The following HNRNPL variants were observed in gnomAD, a reference collection of about 807,000 sequenced individuals.
The protein encoded by HNRNPL is heterogeneous nuclear ribonucleoprotein L.
HNRNPL carries 12 observed loss-of-function variants against 64.0 expected under a neutral mutation model. That is an observed-to-expected ratio of 0.19 (90% CI 0.12 to 0.30). The LOEUF (loss-of-function observed/expected upper bound fraction) is 0.30. Ranked by LOEUF, HNRNPL falls within the 10% of genes least tolerant of loss-of-function variation. The probability of loss-of-function intolerance (pLI) is 1.00; values close to 1 mark genes in which losing one functional copy is unlikely to be tolerated. For synonymous variants in HNRNPL, 385 were observed against 313.0 expected (o/e 1.23, Z -2.43); for missense variants, 484 against 797.4 (o/e 0.61, Z 4.73).
chr19:38,838,706 C>T (rs1214235254), intron 9 of HNRNPL, 108 bp from the exon 10 acceptor site: 3 of 1,335,220 alleles, frequency 2.2e-6, no homozygotes, highest in African/African-American at 2.9e-5. Context: ...TGGGGCATTG[C>T]TCTACACCTG....
At position 38,836,598 on chromosome 19, in the gene HNRNPL, TAA is replaced by T. The variant is rs35433653; in HGVS notation, c.*122_*123del. On this transcript the variant is annotated 3_prime_UTR_variant, in exon 13 of 13. Transcript: ENST00000221419. ...AGTAAGCCTCTACAAACCTAGCATT[TAA>T]AAAAAAAAAAAAAAAAAAAAAAAAG... 0.082 allele frequency: 11,099 copies of T among 135,766 alleles called. 125 individuals carry two copies. Among genetic ancestry groups the T allele is most frequent in the Middle Eastern group, 0.14 (49 of 352 alleles). The allele number at this position is 135,766 out of a possible 1,614,324, so 8.4% of individuals were successfully genotyped here. A position where few individuals can be genotyped will look rare whatever the true frequency, so the allele number is the denominator to read the frequency against.
chr19:38,847,030 C>T (rs1021547323), intron 2 of HNRNPL, among the ~76,000 whole-genome samples: 4 of 152,026 alleles, frequency 2.6e-5, no homozygotes, highest in East Asian at 1.9e-4. Flanking sequence ...GGTGAGACTG[C>T]ACCACTACAC....
chr19:38,839,524 G>A (rs1568367929), intron 8 of HNRNPL: 2 of 172,860 alleles, frequency 1.2e-5, no homozygotes, highest in Admixed American at 1.1e-4. Context: ...ATTAATGTGA[G>A]AAATTACACA....
At chr19:38,841,827 G>A (rs1452991451) in intron 6 of HNRNPL, 5 of 402,990 alleles carry the variant, frequency 1.2e-5, no homozygotes, top group Non-Finnish European at 2.4e-5. Flanking sequence ...TATCAGAAAA[G>A]TGGAAATAAA....
rs967613621 is a variant in HNRNPL at position 38,836,577 on chromosome 19, A to G, written c.*145T>C. 2 of 522,672 alleles carry G rather than the reference A, an allele frequency of 3.8e-6. No individual in the cohort carries two copies. The highest frequency in any genetic ancestry group is 4.0e-5 in the African/African-American group (2 of 49,608). The allele number at this position is 522,672 out of a possible 1,614,324, so 32.4% of individuals were successfully genotyped here. Reference sequence around the variant, plus strand: ...CCAGCGTTTCCATTAAGGTTAAGTAAGCCTCTACAAACCTAGCATTTAAAA... The same window carrying G: ...CCAGCGTTTCCATTAAGGTTAAGTAGGCCTCTACAAACCTAGCATTTAAAA... On this transcript the variant is annotated 3_prime_UTR_variant, in exon 13 of 13. Transcript: ENST00000221419.
At chr19:38,840,683 G>C in intron 6 of HNRNPL, 124 bp from the exon 7 acceptor site, 1 of 769,476 alleles carries the variant, frequency 1.3e-6, no homozygotes, top group Admixed American at 2.6e-5. Context: ...TTCCTCGAGG[G>C]CTGTGGGGCC....
intron 1 of HNRNPL, 41 bp from the exon 2 acceptor site, chr19:38,847,475 A>G (rs1972337792): frequency 7.9e-7 from 1 of 1,263,462 alleles, no homozygotes. Context: ...TTCTTGCTGT[A>G]CAAGATGACG....
intron 4 of HNRNPL, chr19:38,845,393 C>T: frequency 2.1e-6 from 1 of 470,128 alleles, no homozygotes; most frequent in Non-Finnish European, 3.8e-6. Flanking sequence ...AAGTAAATAA[C>T]AGAAAGAAAA....
intron 6 of HNRNPL, chr19:38,841,369 A>T: frequency 2.9e-6 from 1 of 350,226 alleles, no homozygotes; most frequent in Non-Finnish European, 5.6e-6. Flanking sequence ...CTGAGTTGTT[A>T]ACTTTTAACT....
rs1313525510 is a variant in HNRNPL at position 38,836,471 on chromosome 19, A to C, written c.*251T>G. On this transcript the variant is annotated 3_prime_UTR_variant, in exon 13 of 13. Transcript: ENST00000221419. ...CAAATGTATGAACAGGAAAAAAAAAAATCACATGTACAATAATTTTTTAAA... is the reference window on the plus strand; with the variant it reads ...CAAATGTATGAACAGGAAAAAAAAACATCACATGTACAATAATTTTTTAAA... 1 of 373,596 alleles carries C rather than the reference A, an allele frequency of 2.7e-6. No individual in the cohort carries two copies. Among genetic ancestry groups the C allele is most frequent in the African/African-American group, 2.1e-5 (1 of 48,086 alleles). The allele number at this position is 373,596 out of a possible 1,614,324, so 23.1% of individuals were successfully genotyped here.
At chr19:38,851,203 G>C (rs963641997), upstream of HNRNPL, 1 of 152,410 alleles carries the variant, frequency 6.6e-6, no homozygotes, top group African/African-American at 2.4e-5. Context: ...CTTGTGATCT[G>C]TGCCTGCGTC....
chr19:38,836,739 C>T lies in HNRNPL; in HGVS notation c.1753G>A (p.Ala585Thr). The change falls in exon 13 of 13, where the codon GCT becomes ACT. Residue 585 changes from alanine to threonine, a missense_variant. By Grantham distance (58) the Ala-to-Thr change is moderately conservative. Transcript: ENST00000221419. Reference sequence around the variant, plus strand: ...GCACCTAATTAGGAGGCGTGCTGAGCAGTGGAGAAACACAACTTCAGAGTG... The same window carrying T: ...GCACCTAATTAGGAGGCGTGCTGAGTAGTGGAGAAACACAACTTCAGAGTG... ...PYTLKLCFST[A>T]QHAS 6.2e-7 allele frequency: 1 copy of T among 1,612,446 alleles called. No homozygotes were observed.
At position 38,840,572 on chromosome 19, in the gene HNRNPL, A is replaced by G. The variant is rs780566220; in HGVS notation, c.881-13T>C. 2.5e-6 allele frequency: 4 copies of G among 1,571,260 alleles called. No homozygotes were observed. Among genetic ancestry groups the G allele is most frequent in the African/African-American group, 1.4e-5 (1 of 73,854 alleles). On this transcript the variant is annotated splice_polypyrimidine_tract_variant and intron_variant, in intron 6 of 12. Coordinates refer to ENST00000221419, the MANE Select transcript of HNRNPL (RefSeq NM_001533.3). Reference sequence around the variant, plus strand: ...CTGCCAGGGTCACCTGTGGAGAGAGAAAACAGTTAGGAGTCTCACTCAGAA... The same window carrying G: ...CTGCCAGGGTCACCTGTGGAGAGAGGAAACAGTTAGGAGTCTCACTCAGAA...
chr19:38,840,516 A>T lies in HNRNPL; in HGVS notation c.924T>A (p.Pro308=). The T allele has an allele frequency of 6.3e-7, 1 of 1,593,342 alleles. No homozygotes were observed. Among genetic ancestry groups the T allele is most frequent in the Middle Eastern group, 1.9e-4 (1 of 5,230 alleles). ...ATTCTGCGGGGTGATCTCCCAGGAGAGGGGGCTGCCTCTGGCGTTTGTTGG... is the reference window on the plus strand; with the variant it reads ...ATTCTGCGGGGTGATCTCCCAGGAGTGGGGGCTGCCTCTGGCGTTTGTTGG... ...SNPNKRQRQP[P]LLGDHPAEYG... Residue 308 remains proline (P), a synonymous_variant, in exon 7 of 13, where the codon CCT becomes CCA. Transcript: ENST00000221419.
chr19:38,838,796 G>A, intron 9 of HNRNPL, 98 bp downstream of exon 9: 1 of 1,520,176 alleles, frequency 6.6e-7, no homozygotes, highest in Middle Eastern at 2.1e-4. Context: ...TTCTGTGTGA[G>A]TCAACACCTC....
chr19:38,851,806 T>C (rs1475249971), upstream of HNRNPL, among the ~76,000 whole-genome samples: 1 of 151,998 alleles, frequency 6.6e-6, no homozygotes, highest in East Asian at 1.9e-4. Context: ...ACAGGCCTGG[T>C]GGCTCTGCCG....
chr19:38,837,913 T>G (rs1222786765), intron 10 of HNRNPL, among the ~76,000 whole-genome samples: 1 of 152,256 alleles, frequency 6.6e-6, no homozygotes, highest in Non-Finnish European at 1.5e-5. Flanking sequence ...CCCGGCTGTT[T>G]GCTGAACACT....
At chr19:38,842,304 C>A (rs1338726561) in intron 6 of HNRNPL, 1 of 152,450 alleles carries the variant, frequency 6.6e-6, no homozygotes, top group African/African-American at 2.4e-5. Context: ...AATCTACTTC[C>A]GTCTATGAAA....
At chr19:38,841,764 T>C (rs1028141435) in intron 6 of HNRNPL, 3 of 573,808 alleles carry the variant, frequency 5.2e-6, no homozygotes, top group East Asian at 6.8e-5. Context: ...GTTTTAAAAG[T>C]CAATATTTTG....
Sources: allele counts gnomAD v4.1 joint callset (sites outside exome capture counted in the v4.1 genomes callset), GRCh38; gene constraint gnomAD v4.1.1; transcripts MANE v1.5; gene names NCBI Gene and HGNC (gene_info 2026-07-23, HGNC 2026-07-21).